The following CLDN16 variants were observed in gnomAD, a reference collection of about 807,000 sequenced individuals.
CLDN16 encodes the protein claudin-16.
Under a neutral mutation model 24.6 loss-of-function variants are expected in CLDN16, and 13 were observed. That is an observed-to-expected ratio of 0.53 (90% CI 0.34 to 0.84). CLDN16 has a LOEUF of 0.84. Among genes scored for constraint, CLDN16 ranks in the 40% least tolerant of loss-of-function variants. The pLI is 0.01. For synonymous variants in CLDN16, 116 were observed against 106.7 expected, an observed-to-expected ratio of 1.09 and a Z score of -0.54; for missense variants, 298 against 292.7, an observed-to-expected ratio of 1.02 and a Z score of -0.13.
chr3:190,384,199 T>C (rs1479898446), upstream of CLDN16, among the ~76,000 whole-genome samples: 1 of 145,158 alleles, frequency 6.9e-6, no homozygotes, highest in Admixed American at 6.8e-5. Flanking sequence ...GCACTGGAAA[T>C]TTCAAAGGGA....
At chr3:190,342,156 ATTTTCAGGTATC>A (rs770661220) in intron 1 of CLDN16, among the ~76,000 whole-genome samples, 1 of 152,118 alleles carries the variant, frequency 6.6e-6, no homozygotes, top group Non-Finnish European at 1.5e-5. Flanking sequence ...TCGCTTCCAC[ATTTTCAGGTATC>A]TTTTCAGGAG....
rs190575919 is a variant in CLDN16, at chr3:190,403,293, C to A, written c.217+854C>A. Among the ~76,000 whole-genome samples, 730 of 152,232 alleles carry A rather than the reference C, an allele frequency of 4.8e-3. 6 individuals are homozygous for A. Among genetic ancestry groups the A allele is most frequent in the African/African-American group, 0.017 (695 of 41,530 alleles). On this transcript the variant is annotated intron_variant, in intron 2 of 4. Coordinates refer to ENST00000264734, the MANE Select transcript of CLDN16 (RefSeq NM_006580.4). ...GTTACAGTGAGCCGAGATCACACCA[C>A]TGCACTCCAGCCTGGGAGACAGAGC...
chr3:190,393,747 CTTTTTTTTT>C (rs58465741), intron 1 of CLDN16, among the ~76,000 whole-genome samples: 4 of 115,236 alleles, frequency 3.5e-5, no homozygotes, highest in Non-Finnish European at 6.8e-5. Flanking sequence ...TGTCATTTGC[CTTTTTTTTT>C]TTTTTTTTTT....
In CLDN16 at chr3:190,411,294, C is replaced by A. The variant is rs909061450; in HGVS notation, c.*1258C>A. ...AATAAATAAATAAATAAATATTCTT[C>A]ATAAAATGTGGGTTTTGGGGAAAAT... is the stretch of plus-strand genomic sequence containing the variant. On this transcript the variant is annotated 3_prime_UTR_variant, in exon 5 of 5. Coordinates refer to ENST00000264734, the MANE Select transcript of CLDN16 (RefSeq NM_006580.4). 1 of 151,998 alleles carries A rather than the reference C, an allele frequency of 6.6e-6. No homozygotes were observed. Among genetic ancestry groups the A allele is most frequent in the African/African-American group, 2.4e-5 (1 of 41,404 alleles). 9.4% of individuals were successfully genotyped at this position (151,998 alleles called of 1,614,324 possible). A position where few individuals can be genotyped will look rare whatever the true frequency, so the allele number is the denominator to read the frequency against.
At chr3:190,331,670 C>T (rs1405451613) in intron 1 of CLDN16, among the ~76,000 whole-genome samples, 1 of 152,192 alleles carries the variant, frequency 6.6e-6, no homozygotes, top group Non-Finnish European at 1.5e-5. Context: ...TATTTGACTA[C>T]ACGGATAGTC....
rs780658485 is a variant in CLDN16, at chr3:190,402,443, C to A, written c.217+4C>A. 2 of 1,602,642 alleles carry A rather than the reference C, an allele frequency of 1.2e-6. No individual in the cohort carries two copies. Among genetic ancestry groups the A allele is most frequent in the South Asian group, 2.2e-5 (2 of 90,838 alleles). ...TCCATACTTGCGGAGCATCCCTGTA[C>A]GTATGCCTTAGAGCTCACTGCTTGC... is the stretch of plus-strand genomic sequence containing the variant. On this transcript the variant is annotated splice_donor_region_variant and intron_variant, in intron 2 of 4. Transcript: ENST00000264734.
chr3:190,337,289 A>G (rs1303377239), intron 1 of CLDN16, among the ~76,000 whole-genome samples: 2 of 152,222 alleles, frequency 1.3e-5, no homozygotes, highest in African/African-American at 4.8e-5. Flanking sequence ...GAACAAAGCA[A>G]TGTTTTCATA....
Position 190,349,809 on chromosome 3 carries a change from A to T in CLDN16, n.122-21084A>T, listed in dbSNP as rs184487863. ...AGACCCAAGGTAAAGAAGGAAAATG[A>T]AAGATTTCTCAGCTGTGCTGCCCCA... On this transcript the variant is annotated intron_variant and non_coding_transcript_variant, in intron 1 of 4. Coordinates refer to the CLDN16 transcript ENST00000468220. Among the ~76,000 whole-genome samples, 301 of 152,278 alleles carry T rather than the reference A, an allele frequency of 2.0e-3. 1 individual carries two copies. The highest frequency in any genetic ancestry group is 6.2e-3 in the African/African-American group (258 of 41,558).
chr3:190,312,896 C>G, the CLDN16 span: 1 of 1,614,156 alleles, frequency 6.2e-7, no homozygotes, highest in African/African-American at 1.3e-5. Flanking sequence ...ATCGCACCCC[C>G]AATGACAGCC....
At chr3:190,320,202 C>A (rs1716882238), upstream of CLDN16, among the ~76,000 whole-genome samples, 1 of 152,134 alleles carries the variant, frequency 6.6e-6, no homozygotes, top group African/African-American at 2.4e-5. Flanking sequence ...GTATTTACAA[C>A]ATAGATCAAT....
intron 1 of CLDN16, among the ~76,000 whole-genome samples, chr3:190,327,387 C>T (rs763902449): frequency 2.6e-5 from 4 of 152,146 alleles, no homozygotes; most frequent in Non-Finnish European, 5.9e-5. Context: ...GACACCATAG[C>T]CTAGCCAAGT....
intron 1 of CLDN16, among the ~76,000 whole-genome samples, chr3:190,394,678 T>C (rs1183041557): frequency 6.6e-6 from 1 of 152,148 alleles, no homozygotes; most frequent in African/African-American, 2.4e-5. Context: ...CATGAGTTGA[T>C]AGAGCGCCTA....
chr3:190,363,610 G>C lies in CLDN16; in HGVS notation n.122-7283G>C, dbSNP rs1297893021. Among the ~76,000 whole-genome samples the C allele has an allele frequency of 6.9e-5, 6 of 86,942 alleles. No homozygotes were observed. The Admixed American group carries it at 6.9e-4, about 10-fold the overall frequency. 57.0% of individuals were successfully genotyped at this position (86,942 alleles called of 152,430 possible). On this transcript the variant is annotated intron_variant and non_coding_transcript_variant, in intron 1 of 4. Coordinates refer to the CLDN16 transcript ENST00000468220. The stretch of plus-strand genomic sequence containing the variant: ...TATATATATATATTTTCTTTCTCCT[G>C]TCTGGCAATTAGGGTGAGATATAGA...
At chr3:190,296,635 T>C in the CLDN16 span, among the ~76,000 whole-genome samples, 7 of 151,080 alleles carry the variant, frequency 4.6e-5, no homozygotes, top group African/African-American at 1.7e-4. Flanking sequence ...CTGCAGGCTC[T>C]GCCTCCCGGG....
rs370668471 is a variant in CLDN16, at chr3:190,332,801, C to T, written n.121+10140C>T. Among the ~76,000 whole-genome samples, 5 of 149,710 alleles carry T rather than the reference C, an allele frequency of 3.3e-5. No homozygotes were observed. In the East Asian group the frequency reaches 7.8e-4, roughly 23 times the overall value. ...TTTTTTTTTTTTGTTACAAGACATACTATGGCTTAAGAGACTGGATAGTAA... is the reference window on the plus strand; with the variant it reads ...TTTTTTTTTTTTGTTACAAGACATATTATGGCTTAAGAGACTGGATAGTAA... On this transcript the variant is annotated intron_variant and non_coding_transcript_variant, in intron 1 of 4. Transcript: ENST00000468220.
intron 1 of CLDN16, among the ~76,000 whole-genome samples, chr3:190,344,747 A>G (rs1194523281): frequency 6.6e-6 from 1 of 152,044 alleles, no homozygotes; most frequent in Non-Finnish European, 1.5e-5. Context: ...ATTAGGTTAT[A>G]GAATAAAGGA....
At chr3:190,393,279 T>C (rs983787316) in intron 1 of CLDN16, among the ~76,000 whole-genome samples, 3 of 152,178 alleles carry the variant, frequency 2.0e-5, no homozygotes, top group African/African-American at 7.2e-5. Flanking sequence ...ATCCTACTAT[T>C]TTTTTCTGCT....
intron 1 of CLDN16, among the ~76,000 whole-genome samples, chr3:190,331,908 C>T (rs1717188207): frequency 6.6e-6 from 1 of 152,210 alleles, no homozygotes; most frequent in African/African-American, 2.4e-5. Context: ...CTAGAGGGAT[C>T]TATATCCCTT....
chr3:190,299,409 A>C, the CLDN16 span, among the ~76,000 whole-genome samples: 1 of 151,886 alleles, frequency 6.6e-6, no homozygotes, highest in African/African-American at 2.4e-5. Flanking sequence ...TGATGTTTCT[A>C]TTATGTATTT....
Sources: allele counts gnomAD v4.1 joint callset (sites outside exome capture counted in the v4.1 genomes callset), GRCh38; gene constraint gnomAD v4.1.1; transcripts MANE v1.5; gene names NCBI Gene and HGNC (gene_info 2026-07-23, HGNC 2026-07-21).